Variants in PIBF1 observed in about 807,000 individuals in gnomAD.
The protein encoded by PIBF1 is progesterone immunomodulatory binding factor 1, also known as progesterone-induced-blocking factor 1.
In PIBF1, 90 loss-of-function variants were observed where a neutral mutation model predicts 112.5. The observed-to-expected ratio is 0.80, with a 90% CI of 0.67 to 0.95. The LOEUF (loss-of-function observed/expected upper bound fraction) is 0.95, where lower values mean the gene tolerates loss of function less well. PIBF1 is among the 40% of genes least tolerant of loss of function. The pLI is 0.00. For synonymous variants in PIBF1, 301 were observed against 288.6 expected, an observed-to-expected ratio of 1.04 and a Z score of -0.44; for missense variants, 915 against 852.3, an observed-to-expected ratio of 1.07 and a Z score of -0.92.
At chr13:72,914,647 A>G (rs2041018792) in intron 12 of PIBF1, among the ~76,000 whole-genome samples, 1 of 152,136 alleles carries the variant, frequency 6.6e-6, no homozygotes, top group Admixed American at 6.5e-5. Flanking sequence ...GCAGTGGTAC[A>G]ATCATAGCTC....
At chr13:72,854,958 C>T (rs1048836236) in intron 10 of PIBF1, among the ~76,000 whole-genome samples, 3 of 151,914 alleles carry the variant, frequency 2.0e-5, no homozygotes, top group Non-Finnish European at 4.4e-5. Flanking sequence ...AACTGATGGG[C>T]ATTATGGTAA....
At chr13:73,010,495 C>T (rs755536301) in intron 17 of PIBF1, among the ~76,000 whole-genome samples, 3 of 151,720 alleles carry the variant, frequency 2.0e-5, no homozygotes, top group Admixed American at 6.6e-5. Context: ...CCCAGCTACT[C>T]GGGAGGCTGA....
intron 14 of PIBF1, among the ~76,000 whole-genome samples, chr13:72,945,257 G>A (rs2042118725): frequency 6.6e-6 from 1 of 152,170 alleles, no homozygotes; most frequent in Admixed American, 6.5e-5. Flanking sequence ...GTATCCCATG[G>A]TGTATATGTA....
intron 16 of PIBF1, among the ~76,000 whole-genome samples, chr13:72,977,563 A>G (rs1178767695): frequency 2.0e-5 from 3 of 152,198 alleles, no homozygotes; most frequent in African/African-American, 7.2e-5. Context: ...GTATGTGTTC[A>G]TGTAATGTGA....
intron 11 of PIBF1, among the ~76,000 whole-genome samples, chr13:72,895,575 A>C (rs764975078): frequency 6.6e-5 from 10 of 152,034 alleles, no homozygotes; most frequent in Non-Finnish European, 1.3e-4. Context: ...AAATTTATAA[A>C]TTTAAACTTT....
chr13:72,821,752 A>T, intron 5 of PIBF1, 97 bp from the exon 6 acceptor site: 1 of 825,352 alleles, frequency 1.2e-6, no homozygotes, highest in Non-Finnish European at 1.8e-6. Flanking sequence ...TTTAATTACA[A>T]GGACAATCAC....
At chr13:72,813,616 C>T (rs1238873677) in intron 5 of PIBF1, among the ~76,000 whole-genome samples, 9 of 152,306 alleles carry the variant, frequency 5.9e-5, no homozygotes, top group Non-Finnish European at 1.2e-4. Flanking sequence ...TTAGTTTAGG[C>T]ATCCTTCAAC....
chr13:73,007,299 G>GT lies in PIBF1; in HGVS notation c.2223+8319dup, dbSNP rs200537484. ...TAAAAAGCAGTTAATTTTTGTTTTT[G>GT]TTTTTTTTTTTTTTTGAGATGGAGT... is the stretch of plus-strand genomic sequence containing the variant. On this transcript the variant is annotated intron_variant, in intron 17 of 17. Transcript: ENST00000326291. Among the ~76,000 whole-genome samples, 201 of 139,744 alleles carry GT rather than the reference G, an allele frequency of 1.4e-3. 1 individual carries two copies. Among genetic ancestry groups the GT allele is most frequent in the Middle Eastern group, 7.6e-3 (2 of 264 alleles). 91.7% of individuals were successfully genotyped at this position (139,744 alleles called of 152,430 possible). A position where few individuals can be genotyped will look rare whatever the true frequency, so the allele number is the denominator to read the frequency against.
intron 15 of PIBF1, among the ~76,000 whole-genome samples, chr13:72,973,282 C>G (rs999012031): frequency 7.4e-6 from 1 of 134,318 alleles, no homozygotes; most frequent in Non-Finnish European, 1.5e-5. Flanking sequence ...GACTCCATCT[C>G]TTTAAAAAAA....
rs565108682 is a variant in PIBF1 at position 72,964,210 on chromosome 13, A to C, written c.1834-1064A>C. ...CATAGATGAACTTTGAAAACGTCACACTAAGTGAAATAAGCAGACAGCAAA... is the reference window on the plus strand; with the variant it reads ...CATAGATGAACTTTGAAAACGTCACCCTAAGTGAAATAAGCAGACAGCAAA... On this transcript the variant is annotated intron_variant, in intron 14 of 17. Transcript: ENST00000326291. 7.2e-5 allele frequency among the ~76,000 whole-genome samples: 11 copies of C among 152,348 alleles called. No homozygotes were observed. The East Asian group carries it at 2.1e-3, about 29-fold the overall frequency.
intron 10 of PIBF1, among the ~76,000 whole-genome samples, chr13:72,856,676 T>G (rs1421808751): frequency 1.3e-5 from 2 of 152,168 alleles, no homozygotes; most frequent in African/African-American, 4.8e-5. Flanking sequence ...CTAAAGTTAC[T>G]TATCTGTTTT....
intron 13 of PIBF1, among the ~76,000 whole-genome samples, chr13:72,923,200 T>C (rs188000249): frequency 6.6e-6 from 1 of 152,314 alleles, no homozygotes; most frequent in East Asian, 1.9e-4. Flanking sequence ...CAATCCTCCA[T>C]TGTGCTTTGA....
chr13:72,922,441 C>T (rs2041331354), intron 13 of PIBF1, among the ~76,000 whole-genome samples: 1 of 152,116 alleles, frequency 6.6e-6, no homozygotes, highest in South Asian at 2.1e-4. Flanking sequence ...ACATGATTTT[C>T]TAGTTACATG....
At chr13:73,006,657 T>C (rs1008901764) in intron 17 of PIBF1, among the ~76,000 whole-genome samples, 25 of 152,176 alleles carry the variant, frequency 1.6e-4, no homozygotes, top group African/African-American at 5.6e-4. Flanking sequence ...AATTTCTAGC[T>C]CTTTTTTTAG....
At chr13:72,857,968 G>A (rs1418113538) in intron 10 of PIBF1, among the ~76,000 whole-genome samples, 2 of 151,620 alleles carry the variant, frequency 1.3e-5, no homozygotes, top group South Asian at 2.1e-4. Flanking sequence ...GTTTAAATTG[G>A]TACAACTAAT....
chr13:72,862,759 C>G (rs2038750807), intron 10 of PIBF1, among the ~76,000 whole-genome samples: 1 of 152,088 alleles, frequency 6.6e-6, no homozygotes, highest in Non-Finnish European at 1.5e-5. Context: ...ACCTATAAGG[C>G]CTTCCTGAAA....
chr13:72,943,665 A>C (rs1281431701), intron 14 of PIBF1, among the ~76,000 whole-genome samples: 1 of 151,986 alleles, frequency 6.6e-6, no homozygotes. Flanking sequence ...CCTCTTCCCA[A>C]ATCTTCACTT....
At chr13:72,895,918 G>A (rs1323115345) in intron 11 of PIBF1, among the ~76,000 whole-genome samples, 1 of 152,146 alleles carries the variant, frequency 6.6e-6, no homozygotes, top group Admixed American at 6.6e-5. Context: ...ACAGACTCTT[G>A]GGCTGTTGTG....
At chr13:72,811,322 G>A (rs1353560851) in intron 5 of PIBF1, among the ~76,000 whole-genome samples, 1 of 151,778 alleles carries the variant, frequency 6.6e-6, no homozygotes, top group Non-Finnish European at 1.5e-5. Flanking sequence ...TTATATATTG[G>A]CTGGGCACCA....
Sources: allele counts gnomAD v4.1 joint callset (sites outside exome capture counted in the v4.1 genomes callset), GRCh38; gene constraint gnomAD v4.1.1; transcripts MANE v1.5; gene names NCBI Gene and HGNC (gene_info 2026-07-23, HGNC 2026-07-21).